Variants in ZNF81 observed in about 807,000 individuals in gnomAD.
ZNF81 encodes the protein zinc finger protein 81, also known as zinc finger protein 81 (HFZ20).
ZNF81 carries 5 observed loss-of-function variants against 32.3 expected under a neutral mutation model. The observed-to-expected ratio is 0.15, with a 90% CI of 0.08 to 0.33. The LOEUF (loss-of-function observed/expected upper bound fraction) is 0.33. Ranked by LOEUF, ZNF81 falls within the 10% of genes least tolerant of loss-of-function variation. ZNF81 has a pLI of 1.00. For missense variants in ZNF81, 379 were observed against 479.8 expected, an observed-to-expected ratio of 0.79 and a Z score of 1.96; for synonymous variants, 163 against 166.8, an observed-to-expected ratio of 0.98 and a Z score of 0.17.
Position 47,917,200 on chromosome X carries a change from C to T in ZNF81, c.*568C>T. ...CTGAATATGTCTATCAAATATGTTT[C>T]TTATTGAATATTTCTATCAAGTGAA... On this transcript the variant is annotated 3_prime_UTR_variant, in exon 5 of 5. Transcript: ENST00000338637. 3.4e-6 allele frequency: 1 copy of T among 294,932 alleles called. No homozygotes were observed. Among genetic ancestry groups the T allele is most frequent in the Non-Finnish European group, 5.9e-6 (1 of 168,701 alleles). 24.3% of individuals were successfully genotyped at this position (294,932 alleles called of 1,213,427 possible). A position where few individuals can be genotyped will look rare whatever the true frequency, so the allele number is the denominator to read the frequency against.
chrX:47,886,658 G>A (rs1208232314), intron 2 of ZNF81, among the ~76,000 whole-genome samples: 2 of 103,078 alleles, frequency 1.9e-5, no homozygotes, highest in African/African-American at 7.3e-5. Context: ...GGAGTGCAGT[G>A]GCACAATCAT....
At chrX:47,841,352 C>T in intron 1 of ZNF81, 1 of 656,128 alleles carries the variant, frequency 1.5e-6, no homozygotes, top group Non-Finnish European at 2.5e-6. Context: ...ACAAAGACAC[C>T]ACTAAAAATT....
At chrX:47,839,645 A>G (rs2058438685) in intron 1 of ZNF81, among the ~76,000 whole-genome samples, 1 of 112,373 alleles carries the variant, frequency 8.9e-6, no homozygotes. Flanking sequence ...AAAATAAAAA[A>G]AAACTGAAAT....
At chrX:47,875,563 A>G (rs2058596653) in intron 2 of ZNF81, among the ~76,000 whole-genome samples, 1 of 112,340 alleles carries the variant, frequency 8.9e-6, no homozygotes, top group South Asian at 3.7e-4. Context: ...TTTGGAAAAG[A>G]TGATTTGTCT....
At chrX:47,899,470 A>G (rs1226083412) in intron 4 of ZNF81, among the ~76,000 whole-genome samples, 1 of 110,928 alleles carries the variant, frequency 9.0e-6, no homozygotes, top group Non-Finnish European at 1.9e-5. Context: ...ATGACGTATT[A>G]GCTTTATTAT....
chrX:47,871,091 T>C (rs1022738711), intron 2 of ZNF81, among the ~76,000 whole-genome samples: 9 of 111,878 alleles, frequency 8.0e-5, no homozygotes, highest in Admixed American at 9.5e-5. Flanking sequence ...TAACCGTAGT[T>C]TTTACAGCCC....
intron 2 of ZNF81, among the ~76,000 whole-genome samples, chrX:47,880,523 T>C (rs1556885015): frequency 8.9e-6 from 1 of 112,564 alleles, no homozygotes; most frequent in Admixed American, 9.4e-5. Context: ...CTCGTGATCA[T>C]TGCTTTTATT....
Position 47,915,709 on chromosome X carries a change from G to C in ZNF81, c.1063G>C (p.Glu355Gln). ...TATGCATGAGAAAACTCATACTAGA[G>C]AGAAACCCTATAAATGCAATGAATG... The part of the protein sequence containing the change: ...LIMHEKTHTR[E>Q]KPYKCNECGK... The change falls in exon 5 of 5, where the codon GAG (glutamate) becomes CAG (glutamine). Residue 355 changes from glutamate to glutamine, a missense_variant. Transcript: ENST00000338637. 8.3e-7 allele frequency: 1 copy of C among 1,210,854 alleles called. No individual in the cohort carries two copies. The highest frequency in any genetic ancestry group is 1.1e-6 in the Non-Finnish European group (1 of 895,264).
At chrX:47,849,684 AAAG>A (rs200361142) in intron 2 of ZNF81, among the ~76,000 whole-genome samples, 2,536 of 110,862 alleles carry the variant, frequency 0.023, 34 homozygotes, top group Non-Finnish European at 0.038. Flanking sequence ...AAAAAAAAAA[AAAG>A]AAGAAGAAGA....
chrX:47,916,543 A>T lies in ZNF81; in HGVS notation c.1897A>T (p.Thr633Ser), dbSNP rs1556890921. 3.3e-6 allele frequency: 4 copies of T among 1,207,533 alleles called. No homozygotes were observed. The highest frequency in any genetic ancestry group is 4.5e-6 in the Non-Finnish European group (4 of 893,395). The change falls in exon 5 of 5, where the codon ACT becomes TCT. Residue 633 changes from threonine to serine, a missense_variant. By Grantham distance (58) the Thr-to-Ser change is moderately conservative. Coordinates refer to ENST00000338637, the MANE Select transcript of ZNF81 (RefSeq NM_007137.5). ...SNFNKHQTIH[T>S]GDKPYKCSDC... ...TTTCAATAAACATCAGACAATTCAT[A>T]CTGGAGATAAACCGTATAAATGCAG... is the stretch of plus-strand genomic sequence containing the variant.
intron 2 of ZNF81, among the ~76,000 whole-genome samples, chrX:47,849,139 AT>A (rs782010514): frequency 8.9e-6 from 1 of 112,272 alleles, no homozygotes; most frequent in African/African-American, 3.2e-5. Context: ...GCACATGTGT[AT>A]ACCCTCTCTT....
chrX:47,877,268 T>G (rs1197227444), intron 2 of ZNF81, among the ~76,000 whole-genome samples: 1 of 111,680 alleles, frequency 9.0e-6, no homozygotes, highest in Non-Finnish European at 1.9e-5. Flanking sequence ...CTTAGAAGTC[T>G]GAGTCCCTCC....
intron 3 of ZNF81, 118 bp from the exon 4 acceptor site, chrX:47,895,727 C>A: frequency 1.8e-6 from 1 of 560,104 alleles, no homozygotes; most frequent in Admixed American, 2.7e-5. Flanking sequence ...TGAGATTCTT[C>A]AGTCCCTTTT....
intron 2 of ZNF81, among the ~76,000 whole-genome samples, chrX:47,851,052 G>A (rs930316000): frequency 9.9e-5 from 11 of 111,603 alleles, no homozygotes; most frequent in African/African-American, 3.6e-4. Context: ...TACATGTAAT[G>A]AGTTACCTCA....
intron 1 of ZNF81, among the ~76,000 whole-genome samples, chrX:47,839,147 CT>C (rs1484278581): frequency 1.8e-5 from 2 of 111,547 alleles, no homozygotes; most frequent in Non-Finnish European, 3.8e-5. Flanking sequence ...CTATTTCCTC[CT>C]CTTCTGTTTT....
At chrX:47,856,463 A>G (rs1414056576) in intron 2 of ZNF81, among the ~76,000 whole-genome samples, 1 of 111,723 alleles carries the variant, frequency 9.0e-6, no homozygotes, top group Non-Finnish European at 1.9e-5. Context: ...CAAAAATTTT[A>G]TGTGCCAAGG....
At chrX:47,866,047 C>G (rs2058558778) in intron 2 of ZNF81, among the ~76,000 whole-genome samples, 1 of 112,231 alleles carries the variant, frequency 8.9e-6, no homozygotes, top group Non-Finnish European at 1.9e-5. Flanking sequence ...ACAGGGTACT[C>G]ATTGCCCCTG....
intron 2 of ZNF81, among the ~76,000 whole-genome samples, chrX:47,874,214 G>C (rs782420702): frequency 4.5e-4 from 51 of 112,227 alleles, no homozygotes; most frequent in African/African-American, 1.6e-3. Flanking sequence ...ATTTCTGCCA[G>C]CTCACTTTTA....
intron 4 of ZNF81, among the ~76,000 whole-genome samples, chrX:47,907,920 C>T (rs1016542410): frequency 9.0e-6 from 1 of 111,657 alleles, no homozygotes; most frequent in African/African-American, 3.2e-5. Context: ...TATCCACAAA[C>T]AAAGCTCTCA....
Sources: allele counts gnomAD v4.1 joint callset (sites outside exome capture counted in the v4.1 genomes callset), GRCh38; gene constraint gnomAD v4.1.1; transcripts MANE v1.5; gene names NCBI Gene and HGNC (gene_info 2026-07-23, HGNC 2026-07-21).